Variants in INPP4B observed in about 807,000 individuals in gnomAD.
INPP4B encodes inositol polyphosphate-4-phosphatase type II B, also known as inositol polyphosphate 4-phosphatase type II.
A neutral mutation model predicts 122.5 loss-of-function variants in INPP4B; 55 were observed. The observed-to-expected ratio is 0.45, with a 90% CI of 0.36 to 0.56. INPP4B has a LOEUF of 0.56. Among genes scored for constraint, INPP4B ranks in the 20% least tolerant of loss-of-function variants. The probability of loss-of-function intolerance (pLI) is 0.00; values close to 1 mark genes in which losing one functional copy is unlikely to be tolerated. For synonymous variants in INPP4B, 403 were observed against 388.7 expected, an observed-to-expected ratio of 1.04 and a Z score of -0.43; for missense variants, 1,000 against 1,097.7, an observed-to-expected ratio of 0.91 and a Z score of 1.26.
intron 2 of INPP4B, among the ~76,000 whole-genome samples, chr4:142,677,727 C>G (rs1425807475): frequency 2.0e-5 from 3 of 152,026 alleles, no homozygotes; most frequent in African/African-American, 4.8e-5. Context: ...TCATTCTTAG[C>G]AAACTAACAC....
chr4:142,320,934 T>C (rs1579725927), intron 7 of INPP4B, among the ~76,000 whole-genome samples: 1 of 152,240 alleles, frequency 6.6e-6, no homozygotes, highest in South Asian at 2.1e-4. Context: ...TAAACATGCA[T>C]GTGCAAGTGT....
At chr4:142,400,429 A>G (rs1312265223) in intron 7 of INPP4B, among the ~76,000 whole-genome samples, 2 of 152,168 alleles carry the variant, frequency 1.3e-5, no homozygotes, top group Non-Finnish European at 2.9e-5. Context: ...TATGATCTTA[A>G]TATATTTAGG....
At chr4:142,633,206 C>T (rs1305466894) in intron 2 of INPP4B, among the ~76,000 whole-genome samples, 1 of 151,772 alleles carries the variant, frequency 6.6e-6, no homozygotes, top group East Asian at 1.9e-4. Context: ...TATAAAATAT[C>T]TTAAATTTGT....
In INPP4B at chr4:142,089,065, A is replaced by G. The variant is rs75519032; in HGVS notation, c.2375-2809T>C. On this transcript the variant is annotated intron_variant, in intron 23 of 25. Coordinates refer to ENST00000262992, the MANE Select transcript of INPP4B (RefSeq NM_001101669.3). The stretch of plus-strand genomic sequence containing the variant: ...ATAGCAAAGGCACGAGGCATGAGCC[A>G]GTACTGCAGAAACACGGAGTGTGCA... 3.3e-3 allele frequency among the ~76,000 whole-genome samples: 497 copies of G among 152,342 alleles called. 3 individuals are homozygous for G. Among genetic ancestry groups the G allele is most frequent in the African/African-American group, 0.011 (466 of 41,582 alleles).
At chr4:142,359,631 T>C (rs1784754641) in intron 7 of INPP4B, among the ~76,000 whole-genome samples, 1 of 151,974 alleles carries the variant, frequency 6.6e-6, no homozygotes, top group African/African-American at 2.4e-5. Flanking sequence ...AGATAACAAA[T>C]TCTACATATT....
chr4:142,085,832 G>A (rs1322109751), intron 24 of INPP4B, among the ~76,000 whole-genome samples: 1 of 152,210 alleles, frequency 6.6e-6, no homozygotes, highest in Non-Finnish European at 1.5e-5. Flanking sequence ...AATCCTGGGT[G>A]ATACGGGCAA....
intron 1 of INPP4B, among the ~76,000 whole-genome samples, chr4:142,749,043 G>A (rs1769226892): frequency 6.6e-6 from 1 of 151,604 alleles, no homozygotes; most frequent in African/African-American, 2.4e-5. Context: ...GGGAGGCTGA[G>A]GCACAAGAAG....
chr4:142,133,727 T>A (rs1249829312), intron 18 of INPP4B, among the ~76,000 whole-genome samples: 1 of 152,208 alleles, frequency 6.6e-6, no homozygotes, highest in Non-Finnish European at 1.5e-5. Flanking sequence ...GGCTTCCTTG[T>A]TGTTTCCTGA....
At chr4:142,604,816 G>T (rs746849666) in intron 2 of INPP4B, among the ~76,000 whole-genome samples, 15 of 151,972 alleles carry the variant, frequency 9.9e-5, no homozygotes, top group Non-Finnish European at 1.8e-4. Flanking sequence ...CAAATTCAAT[G>T]CAATCTCTAT....
chr4:142,138,951 T>C (rs1806228695), intron 18 of INPP4B, among the ~76,000 whole-genome samples: 1 of 152,224 alleles, frequency 6.6e-6, no homozygotes. Flanking sequence ...CTTTTCTTCT[T>C]CTTTCTCTTT....
intron 3 of INPP4B, among the ~76,000 whole-genome samples, chr4:142,460,982 G>A (rs951879865): frequency 1.3e-5 from 2 of 151,984 alleles, no homozygotes; most frequent in African/African-American, 2.4e-5. Flanking sequence ...GGTTCAAGAC[G>A]AGCCTAGGAA....
At chr4:142,518,631 G>A (rs925271105) in intron 2 of INPP4B, 1 of 152,078 alleles carries the variant, frequency 6.6e-6, no homozygotes, top group African/African-American at 2.4e-5. Context: ...AAATGAGAGT[G>A]TATGACTTCC....
intron 2 of INPP4B, among the ~76,000 whole-genome samples, chr4:142,532,788 T>A (rs1196932129): frequency 6.6e-6 from 1 of 152,238 alleles, no homozygotes; most frequent in Non-Finnish European, 1.5e-5. Flanking sequence ...ATTTAAATTA[T>A]AAACTGTAAT....
At chr4:142,306,204 A>G (rs1188675841) in intron 8 of INPP4B, among the ~76,000 whole-genome samples, 1 of 149,930 alleles carries the variant, frequency 6.7e-6, no homozygotes, top group African/African-American at 2.5e-5. Context: ...TTTTTGACTC[A>G]ATGTAAAGAA....
At chr4:142,739,728 A>C (rs1396220728) in intron 1 of INPP4B, among the ~76,000 whole-genome samples, 1 of 152,048 alleles carries the variant, frequency 6.6e-6, no homozygotes, top group African/African-American at 2.4e-5. Flanking sequence ...ATAACTCATT[A>C]GGTCATTGGA....
At chr4:142,416,773 A>G (rs756637765) in intron 5 of INPP4B, among the ~76,000 whole-genome samples, 1 of 152,204 alleles carries the variant, frequency 6.6e-6, no homozygotes, top group Non-Finnish European at 1.5e-5. Context: ...TAGGCAAAAG[A>G]CAATCTCAAT....
chr4:142,734,307 T>C (rs1025052360), intron 1 of INPP4B, among the ~76,000 whole-genome samples: 23 of 152,286 alleles, frequency 1.5e-4, no homozygotes, highest in Non-Finnish European at 2.9e-4. Flanking sequence ...CCTCCAGAAC[T>C]GTGATAAAAT....
intron 1 of INPP4B, among the ~76,000 whole-genome samples, chr4:142,763,300 A>G (rs1484024666): frequency 6.6e-6 from 1 of 152,220 alleles, no homozygotes; most frequent in Non-Finnish European, 1.5e-5. Context: ...TAACACTAAC[A>G]GAAGTCTTTC....
At position 142,124,709 on chromosome 4, in the gene INPP4B, A is replaced by G. The variant is rs775122720; in HGVS notation, c.1772T>C (p.Met591Thr). ...YPLILTLKDC[M>T]GEVVNRAKQS... ...CTTGGCTCGGTTCACCACTTCTCCC[A>G]TGCAGTCCTTCAGGGTAAGGATGAG... Residue 591 changes from methionine (M) to threonine (T), a missense_variant, in exon 19 of 26, where the codon ATG becomes ACG. Coordinates refer to ENST00000262992, the MANE Select transcript of INPP4B (RefSeq NM_001101669.3). 1.2e-6 allele frequency: 2 copies of G among 1,610,110 alleles called. No individual in the cohort carries two copies. Among genetic ancestry groups the G allele is most frequent in the Admixed American group, 1.7e-5 (1 of 59,740 alleles).
Sources: allele counts gnomAD v4.1 joint callset (sites outside exome capture counted in the v4.1 genomes callset), GRCh38; gene constraint gnomAD v4.1.1; transcripts MANE v1.5; gene names NCBI Gene and HGNC (gene_info 2026-07-23, HGNC 2026-07-21).